MEGF9: variants seen among roughly 807,000 people sequenced by gnomAD.
MEGF9 encodes multiple EGF like domains 9.
A neutral mutation model predicts 46.8 loss-of-function variants in MEGF9; 6 were observed. The observed-to-expected ratio is 0.13, with a 90% CI of 0.07 to 0.25. The LOEUF (loss-of-function observed/expected upper bound fraction) is 0.25, where lower values mean the gene tolerates loss of function less well. Among genes scored for constraint, MEGF9 ranks in the 10% least tolerant of loss-of-function variants. MEGF9 has a pLI of 1.00. For synonymous variants in MEGF9, 302 were observed against 330.7 expected (o/e 0.91, Z 0.94); for missense variants, 683 against 792.4 (o/e 0.86, Z 1.66).
At position 120,670,799 on chromosome 9, in the gene MEGF9, C is replaced by T. The variant is rs114571973; in HGVS notation, c.602-11224G>A. Among the ~76,000 whole-genome samples, 528 of 152,260 alleles carry T rather than the reference C, an allele frequency of 3.5e-3. 6 individuals are homozygous for T. Among genetic ancestry groups the T allele is most frequent in the African/African-American group, 0.012 (505 of 41,538 alleles). The stretch of plus-strand genomic sequence containing the variant: ...GAGCTCTTTCCAGGACTCTACTCTG[C>T]CCACTCCCATTGTCCCCCTACTTGA... On this transcript the variant is annotated intron_variant, in intron 1 of 5. Transcript: ENST00000373930.
chr9:120,610,192 G>GA (rs1216538657), intron 4 of MEGF9, among the ~76,000 whole-genome samples: 1 of 152,048 alleles, frequency 6.6e-6, no homozygotes, highest in African/African-American at 2.4e-5. Flanking sequence ...TAATATGCAG[G>GA]AAAAAAATTC....
intron 1 of MEGF9, among the ~76,000 whole-genome samples, chr9:120,682,574 C>A (rs962741344): frequency 8.6e-5 from 13 of 151,126 alleles, no homozygotes; most frequent in African/African-American, 1.7e-4. Context: ...CCAATTCTTA[C>A]ACACACACAC....
chr9:120,615,755 T>C (rs1039679809), intron 3 of MEGF9, among the ~76,000 whole-genome samples: 3 of 151,742 alleles, frequency 2.0e-5, no homozygotes, highest in African/African-American at 7.3e-5. Context: ...ATTAGCTGGG[T>C]GCGGTGGTGC....
rs2043426672 is a variant in MEGF9, at chr9:120,607,895, T to TTGGCACTTTCTACAGATGC, written c.1184_1202dup (p.Cys402HisfsTer3). 1 of 1,613,926 alleles carries TTGGCACTTTCTACAGATGC rather than the reference T, an allele frequency of 6.2e-7. No homozygotes were observed. The highest frequency in any genetic ancestry group is 8.5e-7 in the Non-Finnish European group (1 of 1,179,900). On this transcript the variant is annotated stop_gained and frameshift_variant, in exon 5 of 6. Coordinates refer to ENST00000373930, the MANE Select transcript of MEGF9 (RefSeq NM_001080497.3). LOFTEE classifies it high-confidence loss of function. ...TAACTGGGTCCACATGGCCGTGACA[T>TTGGCACTTTCTACAGATGC]TGGCACTTTCTACAGATGCTGTCAA...
intron 1 of MEGF9, among the ~76,000 whole-genome samples, chr9:120,694,539 T>C (rs1284911419): frequency 6.6e-6 from 1 of 152,232 alleles, no homozygotes; most frequent in Non-Finnish European, 1.5e-5. Flanking sequence ...CTCCACTTCT[T>C]CATTTCTTCA....
chr9:120,684,011 C>T lies in MEGF9; in HGVS notation c.602-24436G>A, dbSNP rs571596093. ...AAGGAACCTATAAGATAGTTACAAC[C>T]TTTACCATAGAGGGTATAAAATAAG... is the stretch of plus-strand genomic sequence containing the variant. On this transcript the variant is annotated intron_variant, in intron 1 of 5. Transcript: ENST00000373930. 2.3e-3 allele frequency among the ~76,000 whole-genome samples: 356 copies of T among 152,056 alleles called. 4 individuals carry two copies. Among genetic ancestry groups the T allele is most frequent in the African/African-American group, 8.4e-3 (348 of 41,476 alleles).
Position 120,619,219 on chromosome 9 carries a change from C to T in MEGF9, c.943+3397G>A, listed in dbSNP as rs866068961. 7.9e-5 allele frequency among the ~76,000 whole-genome samples: 12 copies of T among 152,000 alleles called. No individual in the cohort carries two copies. The South Asian group carries it at 1.2e-3, about 16-fold the overall frequency. ...AAAATTAGCCGGGCGTGGTGGTGGGCGCCTGTAATCCCAGCTACTTGGGAG... is the reference window on the plus strand; with the variant it reads ...AAAATTAGCCGGGCGTGGTGGTGGGTGCCTGTAATCCCAGCTACTTGGGAG... On this transcript the variant is annotated intron_variant, in intron 3 of 5. Transcript: ENST00000373930.
intron 3 of MEGF9, among the ~76,000 whole-genome samples, chr9:120,617,108 A>T (rs1213761961): frequency 6.6e-6 from 1 of 152,188 alleles, no homozygotes. Flanking sequence ...TCACATTCTC[A>T]TTGCTGAAAG....
intron 1 of MEGF9, among the ~76,000 whole-genome samples, chr9:120,700,819 C>G (rs962142769): frequency 6.6e-6 from 1 of 152,006 alleles, no homozygotes; most frequent in African/African-American, 2.4e-5. Context: ...CGGTGGCTCA[C>G]GCCTGTAAAC....
At chr9:120,624,981 A>ATAT (rs1237754380) in intron 2 of MEGF9, among the ~76,000 whole-genome samples, 1 of 152,230 alleles carries the variant, frequency 6.6e-6, no homozygotes, top group African/African-American at 2.4e-5. Context: ...TGCATGTATA[A>ATAT]GAATTAAATT....
chr9:120,612,029 T>C (rs1006274451), intron 4 of MEGF9, among the ~76,000 whole-genome samples: 1 of 152,188 alleles, frequency 6.6e-6, no homozygotes, highest in Non-Finnish European at 1.5e-5. Context: ...TATTTAGCAA[T>C]AGATAACTAA....
intron 1 of MEGF9, among the ~76,000 whole-genome samples, chr9:120,681,445 AAC>A (rs1167440751): frequency 6.6e-6 from 1 of 151,902 alleles, no homozygotes; most frequent in Non-Finnish European, 1.5e-5. Context: ...CCTCTCCTTA[AAC>A]AAAAGGAAGG....
chr9:120,648,748 T>A (rs1233114043), intron 2 of MEGF9, among the ~76,000 whole-genome samples: 1 of 152,250 alleles, frequency 6.6e-6, no homozygotes, highest in Non-Finnish European at 1.5e-5. Context: ...GGCAAAGTAG[T>A]AAATAAGAGT....
intron 3 of MEGF9, among the ~76,000 whole-genome samples, chr9:120,612,871 A>T (rs1483837985): frequency 1.3e-5 from 2 of 152,202 alleles, no homozygotes; most frequent in African/African-American, 4.8e-5. Flanking sequence ...AGAATAGATA[A>T]ATTGTGGCAT....
chr9:120,666,743 A>T (rs1035019438), intron 1 of MEGF9, among the ~76,000 whole-genome samples: 6 of 152,222 alleles, frequency 3.9e-5, no homozygotes, highest in Non-Finnish European at 7.3e-5. Flanking sequence ...CCTGGAAATC[A>T]CCCAAATGTC....
Position 120,607,859 on chromosome 9 carries a change from C to A in MEGF9, c.1239G>T (p.Lys413Asn). 1 of 1,614,010 alleles carries A rather than the reference C, an allele frequency of 6.2e-7. No homozygotes were observed. The highest frequency in any genetic ancestry group is 8.5e-7 in the Non-Finnish European group (1 of 1,179,886). Reference protein sequence around the residue: ...HGHVDPVKTPKICKPESGECI... With the variant: ...HGHVDPVKTPNICKPESGECI... ...ACTCACCACTCTCGGGCTTACAAAT[C>A]TTTGGAGTTTTAACTGGGTCCACAT... Residue 413 changes from lysine to asparagine, a missense_variant, in exon 5 of 6, where the codon AAG becomes AAT. Coordinates refer to ENST00000373930, the MANE Select transcript of MEGF9 (RefSeq NM_001080497.3).
intron 1 of MEGF9, among the ~76,000 whole-genome samples, chr9:120,683,642 T>C (rs891479333): frequency 6.6e-6 from 1 of 152,244 alleles, no homozygotes; most frequent in Non-Finnish European, 1.5e-5. Flanking sequence ...CATTTCTTTA[T>C]AAATTACCCA....
At chr9:120,619,389 G>A (rs1447714874) in intron 3 of MEGF9, among the ~76,000 whole-genome samples, 1 of 152,112 alleles carries the variant, frequency 6.6e-6, no homozygotes. Context: ...CGAGAACATA[G>A]TAACAGTTAC....
chr9:120,648,907 A>G (rs1443328775), intron 2 of MEGF9, among the ~76,000 whole-genome samples: 1 of 152,154 alleles, frequency 6.6e-6, no homozygotes, highest in Non-Finnish European at 1.5e-5. Context: ...TTTTAACCTG[A>G]GGCACATTCC....
Sources: allele counts gnomAD v4.1 joint callset (sites outside exome capture counted in the v4.1 genomes callset), GRCh38; gene constraint gnomAD v4.1.1; transcripts MANE v1.5; gene names NCBI Gene and HGNC (gene_info 2026-07-23, HGNC 2026-07-21).